AUTS2: variants seen among roughly 807,000 people sequenced by gnomAD.
The protein encoded by AUTS2 is autism susceptibility gene 2 protein.
A neutral mutation model predicts 112.4 loss-of-function variants in AUTS2; 17 were observed. The observed-to-expected ratio is 0.15, with a 90% CI of 0.10 to 0.23. AUTS2 has a LOEUF of 0.23. AUTS2 is among the 10% of genes least tolerant of loss of function. The probability of loss-of-function intolerance (pLI) is 1.00; values close to 1 mark genes in which losing one functional copy is unlikely to be tolerated. For synonymous variants in AUTS2, 751 were observed against 702.7 expected (o/e 1.07, Z -1.09); for missense variants, 1,510 against 1,701.6 (o/e 0.89, Z 1.98).
chr7:70,310,868 TCGTCCTA>T lies in AUTS2; in HGVS notation c.661-124882_661-124876del, dbSNP rs1406529067. Among the ~76,000 whole-genome samples, 10 of 152,294 alleles carry T rather than the reference TCGTCCTA, an allele frequency of 6.6e-5. No individual in the cohort carries two copies. The East Asian group carries it at 1.9e-3, about 29-fold the overall frequency. ...TACTTGTCATGCCAAAATGATGGTA[TCGTCCTA>T]CTGGGGTTTTTAAATGTTAATACAA... On this transcript the variant is annotated intron_variant, in intron 4 of 18. Transcript: ENST00000342771.
chr7:70,786,180 C>T lies in AUTS2; in HGVS notation c.2308+142C>T, dbSNP rs183767387. The T allele has an allele frequency of 1.1e-3, 778 of 691,444 alleles. 9 individuals carry two copies. Among genetic ancestry groups the T allele is most frequent in the Non-Finnish European group, 1.7e-4 (72 of 420,426 alleles). The allele number at this position is 691,444 out of a possible 1,614,324, so 42.8% of individuals were successfully genotyped here. A position where few individuals can be genotyped will look rare whatever the true frequency, so the allele number is the denominator to read the frequency against. On this transcript the variant is annotated intron_variant, in intron 17 of 18. Transcript: ENST00000342771. Reference sequence around the variant, plus strand: ...TTATATCACTGCAAAAGCAGGCCTTCACAGTGGGGTGAGGTGGAAGTGTGC... The same window carrying T: ...TTATATCACTGCAAAAGCAGGCCTTTACAGTGGGGTGAGGTGGAAGTGTGC...
Position 70,791,288 on chromosome 7 carries a change from T to C in AUTS2, c.*292T>C, listed in dbSNP as rs73704818. ...CAGTGAAGATGACAACACACACCAA[T>C]TGGATGATAATTGTAGCGGGGGCGG... is the stretch of plus-strand genomic sequence containing the variant. On this transcript the variant is annotated 3_prime_UTR_variant, in exon 19 of 19. Transcript: ENST00000342771. The C allele has an allele frequency of 6.0e-3, 1,426 of 238,314 alleles. 18 individuals carry two copies. The highest frequency in any genetic ancestry group is 0.031 in the African/African-American group (1,351 of 43,776). The allele number at this position is 238,314 out of a possible 1,614,324, so 14.8% of individuals were successfully genotyped here.
At chr7:69,807,320 A>C (rs1790352395) in intron 1 of AUTS2, among the ~76,000 whole-genome samples, 1 of 152,174 alleles carries the variant, frequency 6.6e-6, no homozygotes, top group African/African-American at 2.4e-5. Context: ...CTGATTTTTT[A>C]GGTGTATTAG....
intron 5 of AUTS2, among the ~76,000 whole-genome samples, chr7:70,666,285 G>A (rs768152059): frequency 6.6e-6 from 1 of 152,226 alleles, no homozygotes; most frequent in Admixed American, 6.5e-5. Context: ...ACTTGGAACA[G>A]CATCCAGCAC....
At chr7:70,642,803 C>G (rs1042000945) in intron 5 of AUTS2, among the ~76,000 whole-genome samples, 10 of 151,854 alleles carry the variant, frequency 6.6e-5, no homozygotes, top group African/African-American at 2.4e-4. Flanking sequence ...GTCAACTCCC[C>G]TTCTCGTGCA....
chr7:70,726,209 C>T (rs566223844), intron 6 of AUTS2, among the ~76,000 whole-genome samples: 1 of 152,024 alleles, frequency 6.6e-6, no homozygotes, highest in Non-Finnish European at 1.5e-5. Flanking sequence ...TGCTACCTCT[C>T]AACACATTAG....
intron 5 of AUTS2, among the ~76,000 whole-genome samples, chr7:70,688,108 C>T (rs538632777): frequency 1.3e-5 from 2 of 152,318 alleles, no homozygotes; most frequent in African/African-American, 2.4e-5. Flanking sequence ...TCCCTCCAGG[C>T]TTCTCAGTAG....
chr7:69,682,500 A>G (rs1468602856), intron 1 of AUTS2, among the ~76,000 whole-genome samples: 1 of 152,230 alleles, frequency 6.6e-6, no homozygotes, highest in East Asian at 1.9e-4. Flanking sequence ...TGGTGGTATG[A>G]AAACACTGGA....
chr7:70,752,306 A>G (rs914596104), intron 6 of AUTS2, among the ~76,000 whole-genome samples: 1 of 152,066 alleles, frequency 6.6e-6, no homozygotes, highest in African/African-American at 2.4e-5. Flanking sequence ...TTTCTCCGAA[A>G]CCAATATTTG....
chr7:70,137,396 G>T (rs970245132), intron 4 of AUTS2, among the ~76,000 whole-genome samples: 1 of 150,264 alleles, frequency 6.7e-6, no homozygotes, highest in Non-Finnish European at 1.5e-5. Flanking sequence ...AGTTGGAATC[G>T]ATTTGCTTTT....
At chr7:69,871,395 A>T (rs962703605) in intron 1 of AUTS2, among the ~76,000 whole-genome samples, 2 of 152,148 alleles carry the variant, frequency 1.3e-5, no homozygotes, top group Non-Finnish European at 2.9e-5. Flanking sequence ...ATCCATGGGG[A>T]ATACATTCCA....
In AUTS2 at chr7:70,643,324, G is replaced by A. The variant is rs566395367; in HGVS notation, c.691-55245G>A. Among the ~76,000 whole-genome samples the A allele has an allele frequency of 1.7e-3, 254 of 152,352 alleles. 1 individual carries two copies. The highest frequency in any genetic ancestry group is 5.7e-3 in the African/African-American group (238 of 41,578). The stretch of plus-strand genomic sequence containing the variant: ...GTGGTGGCTCACGCCCGTAATCCCA[G>A]CACTCTGGGAGGCCGAGGTGGGCAG... On this transcript the variant is annotated intron_variant, in intron 5 of 18. Coordinates refer to ENST00000342771, the MANE Select transcript of AUTS2 (RefSeq NM_015570.4).
intron 1 of AUTS2, among the ~76,000 whole-genome samples, chr7:69,831,994 A>G (rs1328831373): frequency 6.6e-6 from 1 of 152,178 alleles, no homozygotes; most frequent in Non-Finnish European, 1.5e-5. Flanking sequence ...GGCAGCCCTA[A>G]GCAGCATTAG....
chr7:69,794,081 T>A (rs1789736542), intron 1 of AUTS2, among the ~76,000 whole-genome samples: 1 of 152,140 alleles, frequency 6.6e-6, no homozygotes, highest in African/African-American at 2.4e-5. Context: ...TTGGGAGACA[T>A]GATTTTGCAC....
intron 4 of AUTS2, among the ~76,000 whole-genome samples, chr7:70,210,681 G>A (rs905939585): frequency 1.1e-4 from 17 of 152,162 alleles, no homozygotes; most frequent in Non-Finnish European, 1.9e-4. Context: ...GGGAAGGTTA[G>A]CAAGTGGTAG....
intron 5 of AUTS2, among the ~76,000 whole-genome samples, chr7:70,531,046 G>A (rs1263250808): frequency 1.3e-5 from 2 of 152,224 alleles, no homozygotes; most frequent in African/African-American, 2.4e-5. Flanking sequence ...GTGACAGACT[G>A]TAAGGTCTGC....
At chr7:69,978,894 A>G (rs34048694) in intron 2 of AUTS2, among the ~76,000 whole-genome samples, 13 of 137,094 alleles carry the variant, frequency 9.5e-5, no homozygotes, top group East Asian at 6.3e-4. Context: ...ACACACACAC[A>G]CACACACGCA....
intron 1 of AUTS2, among the ~76,000 whole-genome samples, chr7:69,768,611 T>A (rs1418160494): frequency 1.3e-5 from 2 of 152,176 alleles, no homozygotes. Flanking sequence ...GGTAACTGAT[T>A]CCTTGTACAA....
intron 1 of AUTS2, among the ~76,000 whole-genome samples, chr7:69,722,699 C>T (rs1181747370): frequency 1.3e-5 from 2 of 152,140 alleles, no homozygotes; most frequent in Non-Finnish European, 2.9e-5. Context: ...TTCATTTGTC[C>T]TTTCATGGAG....
Sources: allele counts gnomAD v4.1 joint callset (sites outside exome capture counted in the v4.1 genomes callset), GRCh38; gene constraint gnomAD v4.1.1; transcripts MANE v1.5; gene names NCBI Gene and HGNC (gene_info 2026-07-23, HGNC 2026-07-21).